The following DNAJC1 variants were observed in gnomAD, a reference collection of about 807,000 sequenced individuals.
DNAJC1 encodes the protein DnaJ heat shock protein family (Hsp40) member C1, also known as dnaJ homolog subfamily C member 1.
In DNAJC1, 58 loss-of-function variants were observed where a neutral mutation model predicts 76.6. The ratio of observed to expected loss-of-function variants is 0.76; its 90% CI spans 0.61 to 0.94. The LOEUF (loss-of-function observed/expected upper bound fraction) is 0.94, where lower values mean the gene tolerates loss of function less well. DNAJC1 is among the 40% of genes least tolerant of loss of function. The probability of loss-of-function intolerance (pLI) is 0.00; values close to 1 mark genes in which losing one functional copy is unlikely to be tolerated. For missense variants in DNAJC1, 689 were observed against 677.3 expected, an observed-to-expected ratio of 1.02 and a Z score of -0.19; for synonymous variants, 258 against 267.9, an observed-to-expected ratio of 0.96 and a Z score of 0.36.
chr10:21,794,446 AT>A (rs908323286), intron 9 of DNAJC1, among the ~76,000 whole-genome samples: 1 of 152,146 alleles, frequency 6.6e-6, no homozygotes, highest in African/African-American at 2.4e-5. Flanking sequence ...GAATTTGAAC[AT>A]TCAAAATTGT....
chr10:21,880,474 G>A (rs1205692821), intron 8 of DNAJC1, among the ~76,000 whole-genome samples: 1 of 152,116 alleles, frequency 6.6e-6, no homozygotes, highest in Non-Finnish European at 1.5e-5. Context: ...TAAAACTTAA[G>A]TTGGAAGGGC....
At chr10:21,869,599 C>T (rs1836068637) in intron 8 of DNAJC1, among the ~76,000 whole-genome samples, 1 of 152,140 alleles carries the variant, frequency 6.6e-6, no homozygotes. Flanking sequence ...GCCATGGTTG[C>T]TAACGTTTGG....
intron 9 of DNAJC1, among the ~76,000 whole-genome samples, chr10:21,794,093 A>G (rs956754822): frequency 1.3e-5 from 2 of 152,110 alleles, no homozygotes; most frequent in Admixed American, 6.5e-5. Context: ...TTGGCAACAT[A>G]GTGAGATTCC....
At chr10:21,962,032 T>C (rs1837802420) in intron 1 of DNAJC1, among the ~76,000 whole-genome samples, 1 of 152,210 alleles carries the variant, frequency 6.6e-6, no homozygotes, top group African/African-American at 2.4e-5. Context: ...TGCTCAAATA[T>C]TGCCCTCTCA....
intron 8 of DNAJC1, among the ~76,000 whole-genome samples, chr10:21,834,039 C>A (rs1054269439): frequency 6.6e-6 from 1 of 151,742 alleles, no homozygotes; most frequent in Admixed American, 6.6e-5. Flanking sequence ...CTGAGGTGGG[C>A]GGACCACGAG....
intron 1 of DNAJC1, among the ~76,000 whole-genome samples, chr10:21,999,046 T>C (rs1729175123): frequency 6.6e-6 from 1 of 152,222 alleles, no homozygotes; most frequent in Non-Finnish European, 1.5e-5. Context: ...TGAGTTATCT[T>C]ATACCTGGTG....
intron 1 of DNAJC1, among the ~76,000 whole-genome samples, chr10:21,929,386 G>C (rs1564830426): frequency 6.6e-6 from 1 of 152,174 alleles, no homozygotes; most frequent in Non-Finnish European, 1.5e-5. Context: ...AAAGAAGACA[G>C]TATTTGGCGA....
chr10:21,827,801 C>A (rs556230197), intron 8 of DNAJC1, among the ~76,000 whole-genome samples: 1 of 152,196 alleles, frequency 6.6e-6, no homozygotes, highest in Non-Finnish European at 1.5e-5. Flanking sequence ...TACTATTCAA[C>A]CCACTATACA....
chr10:21,995,844 A>C (rs1838408451), intron 1 of DNAJC1, among the ~76,000 whole-genome samples: 1 of 152,216 alleles, frequency 6.6e-6, no homozygotes, highest in Non-Finnish European at 1.5e-5. Context: ...GTATTACATA[A>C]GATGGGAAAT....
At chr10:21,839,766 C>T (rs1564804345) in intron 8 of DNAJC1, among the ~76,000 whole-genome samples, 1 of 152,156 alleles carries the variant, frequency 6.6e-6, no homozygotes, top group South Asian at 2.1e-4. Context: ...CCAGCATCAT[C>T]CTGATACCAA....
At chr10:21,930,240 T>A (rs971133829) in intron 1 of DNAJC1, among the ~76,000 whole-genome samples, 4 of 152,236 alleles carry the variant, frequency 2.6e-5, no homozygotes, top group Non-Finnish European at 5.9e-5. Flanking sequence ...CCTCCCAAAG[T>A]GTAGGATTAC....
chr10:21,977,980 T>G (rs985830631), intron 1 of DNAJC1, among the ~76,000 whole-genome samples: 1 of 152,158 alleles, frequency 6.6e-6, no homozygotes, highest in Non-Finnish European at 1.5e-5. Context: ...TTAGATGATA[T>G]TTAACAGCAA....
At chr10:21,966,853 T>C (rs1837899120) in intron 1 of DNAJC1, among the ~76,000 whole-genome samples, 1 of 151,854 alleles carries the variant, frequency 6.6e-6, no homozygotes, top group Admixed American at 6.6e-5. Flanking sequence ...ACCCAGCTCA[T>C]ATTTTGTATT....
intron 8 of DNAJC1, among the ~76,000 whole-genome samples, chr10:21,808,226 T>G (rs1834911810): frequency 6.6e-6 from 1 of 152,180 alleles, no homozygotes; most frequent in Admixed American, 6.5e-5. Flanking sequence ...GTCTAAAATA[T>G]AAATCATTGT....
At chr10:21,970,710 C>T (rs1411325982) in intron 1 of DNAJC1, among the ~76,000 whole-genome samples, 3 of 152,020 alleles carry the variant, frequency 2.0e-5, no homozygotes, top group East Asian at 3.9e-4. Context: ...GCATGCTGTG[C>T]TACTCCCACA....
chr10:21,841,055 G>C (rs1032189464), intron 8 of DNAJC1, among the ~76,000 whole-genome samples: 3 of 152,184 alleles, frequency 2.0e-5, no homozygotes, highest in Non-Finnish European at 4.4e-5. Context: ...GCCATATGTA[G>C]AAAGCTGAAA....
chr10:21,949,173 T>C (rs976153908), intron 1 of DNAJC1, among the ~76,000 whole-genome samples: 1 of 151,926 alleles, frequency 6.6e-6, no homozygotes, highest in Non-Finnish European at 1.5e-5. Flanking sequence ...ACCTAACCAG[T>C]TTTAAAATGA....
chr10:21,812,183 C>A (rs922156429), intron 8 of DNAJC1, among the ~76,000 whole-genome samples: 1 of 151,946 alleles, frequency 6.6e-6, no homozygotes, highest in Non-Finnish European at 1.5e-5. Context: ...CTCAGCCTCC[C>A]GAGTAACTGG....
At chr10:21,816,620 A>G (rs968547540) in intron 8 of DNAJC1, among the ~76,000 whole-genome samples, 1 of 144,324 alleles carries the variant, frequency 6.9e-6, no homozygotes, top group African/African-American at 2.6e-5. Flanking sequence ...ATCTCCGCTC[A>G]CTGAAAGCTC....
Sources: allele counts gnomAD v4.1 joint callset (sites outside exome capture counted in the v4.1 genomes callset), GRCh38; gene constraint gnomAD v4.1.1; transcripts MANE v1.5; gene names NCBI Gene and HGNC (gene_info 2026-07-23, HGNC 2026-07-21).